CABP5: variants seen among roughly 807,000 people sequenced by gnomAD.
CABP5 encodes the protein calcium-binding protein 5.
CABP5 carries 17 observed loss-of-function variants against 21.9 expected under a neutral mutation model. That is an observed-to-expected ratio of 0.78 (90% CI 0.53 to 1.17). The LOEUF (loss-of-function observed/expected upper bound fraction) is 1.17. Ranked by LOEUF, CABP5 falls within the 50% of genes most tolerant of loss-of-function variation. CABP5 has a pLI of 0.00. For synonymous variants in CABP5, 85 were observed against 79.4 expected, an observed-to-expected ratio of 1.07 and a Z score of -0.37; for missense variants, 229 against 228.9, an observed-to-expected ratio of 1.00 and a Z score of 0.00.
rs899676056 is a variant in CABP5, at chr19:48,044,046, G to T, written c.-124C>A. Reference sequence around the variant, plus strand: ...TTTGCCACCTCTTCCTGCCTCTCTTGGCTTCTCCTTCGGTCCCGGTGTCTT... The same window carrying T: ...TTTGCCACCTCTTCCTGCCTCTCTTTGCTTCTCCTTCGGTCCCGGTGTCTT... On this transcript the variant is annotated 5_prime_UTR_variant, in exon 1 of 6. Coordinates refer to ENST00000293255, the MANE Select transcript of CABP5 (RefSeq NM_019855.5). 2.5e-6 allele frequency: 2 copies of T among 790,924 alleles called. No individual in the cohort carries two copies. The allele number at this position is 790,924 out of a possible 1,614,324, so 49.0% of individuals were successfully genotyped here.
chr19:48,036,722 G>A (rs1582950), intron 4 of CABP5, among the ~76,000 whole-genome samples: 115,704 of 151,716 alleles, frequency 0.76, 45,234 homozygotes, highest in South Asian at 0.88. Flanking sequence ...TCTCTAAAGA[G>A]GACAAATGGG....
In CABP5 at chr19:48,039,223, C is replaced by T. The variant is rs773571363; in HGVS notation, c.333G>A (p.Arg111=). The change falls in exon 4 of 6, where the codon CGG becomes CGA. Residue 111 remains arginine (R), a synonymous_variant. Coordinates refer to ENST00000293255, the MANE Select transcript of CABP5 (RefSeq NM_019855.5). ...TAGMIGVQEM[R]DAFKEFDTNG... ...GTTAACTCACCTCCTTGAAGGCATC[C>T]CGCATCTCCTGGACACCGATCATCC... The T allele has an allele frequency of 1.1e-5, 18 of 1,613,650 alleles. No homozygotes were observed. The highest frequency in any genetic ancestry group is 1.4e-5 in the Non-Finnish European group (16 of 1,179,750).
intron 1 of CABP5, among the ~76,000 whole-genome samples, chr19:48,043,377 C>T (rs917267139): frequency 6.6e-6 from 1 of 150,516 alleles, no homozygotes; most frequent in African/African-American, 2.4e-5. Flanking sequence ...ACTTTCCTCA[C>T]CTGTAAAATG....
intron 3 of CABP5, among the ~76,000 whole-genome samples, chr19:48,040,087 C>T (rs903344439): frequency 1.3e-5 from 2 of 152,074 alleles, no homozygotes; most frequent in African/African-American, 4.8e-5. Flanking sequence ...AAAATCCATC[C>T]ATCCTTTTTG....
intron 5 of CABP5, 31 bp from the exon 6 acceptor site, chr19:48,030,613 G>C (rs1967328711): frequency 1.2e-6 from 2 of 1,608,242 alleles, no homozygotes; most frequent in East Asian, 2.2e-5. Context: ...CCCCAGTAAG[G>C]CATCTCGTTG....
chr19:48,038,778 G>A (rs1210190823), intron 4 of CABP5, among the ~76,000 whole-genome samples: 4 of 151,926 alleles, frequency 2.6e-5, no homozygotes, highest in Non-Finnish European at 5.9e-5. Context: ...AGTGAGCCGA[G>A]ATTGCACCAT....
intron 5 of CABP5, among the ~76,000 whole-genome samples, chr19:48,031,639 G>A (rs964681223): frequency 2.6e-5 from 4 of 152,108 alleles, no homozygotes; most frequent in African/African-American, 4.8e-5. Context: ...GGAAACTTAC[G>A]CCAGCGAGGG....
chr19:48,041,352 TGA>T, intron 2 of CABP5: 1 of 555,578 alleles, frequency 1.8e-6, no homozygotes, highest in South Asian at 2.3e-5. Flanking sequence ...TTTTCACTCC[TGA>T]GTCTTGGAGA....
Position 48,044,055 on chromosome 19 carries a change from T to C in CABP5, c.-133A>G. On this transcript the variant is annotated 5_prime_UTR_variant, in exon 1 of 6. Transcript: ENST00000293255. Reference sequence around the variant, plus strand: ...TCTTCCTGCCTCTCTTGGCTTCTCCTTCGGTCCCGGTGTCTTAGAGCTGTG... The same window carrying C: ...TCTTCCTGCCTCTCTTGGCTTCTCCCTCGGTCCCGGTGTCTTAGAGCTGTG... 1 of 713,992 alleles carries C rather than the reference T, an allele frequency of 1.4e-6. No individual in the cohort carries two copies. Among genetic ancestry groups the C allele is most frequent in the Admixed American group, 4.0e-5 (1 of 24,762 alleles). The allele number at this position is 713,992 out of a possible 1,614,324, so 44.2% of individuals were successfully genotyped here.
rs73943519 is a variant in CABP5 at position 48,043,566 on chromosome 19, T to A, written c.63+294A>T. Among the ~76,000 whole-genome samples, 298 of 136,854 alleles carry A rather than the reference T, an allele frequency of 2.2e-3. 7 individuals carry two copies. The highest frequency in any genetic ancestry group is 7.9e-3 in the African/African-American group (281 of 35,602). 89.8% of individuals were successfully genotyped at this position (136,854 alleles called of 152,430 possible). Reference sequence around the variant, plus strand: ...ATCACCACCATTATCACAATGAGCATCCATAGAAAAGAATGATGGTAATCT... The same window carrying A: ...ATCACCACCATTATCACAATGAGCAACCATAGAAAAGAATGATGGTAATCT... On this transcript the variant is annotated intron_variant, in intron 1 of 5. Transcript: ENST00000293255.
In CABP5 at chr19:48,034,233, C is replaced by G. The variant is rs551792483; in HGVS notation, c.478G>C (p.Gly160Arg). The change falls in exon 5 of 6, where the codon GGC becomes CGC. Residue 160 changes from glycine (G) to arginine (R), a missense_variant. Gly to Arg is a moderately radical substitution (Grantham distance 125, BLOSUM62 -2). Transcript: ENST00000293255. Reference protein sequence around the residue: ...VVREADVNGDGTVDFEEFVKM... With the variant: ...VVREADVNGDRTVDFEEFVKM... ...ATGTCACCTTCAAAGTCAACTGTGC[C>G]GTCTCCATTAACATCAGCCTCCCGG... is the stretch of plus-strand genomic sequence containing the variant. 2.5e-6 allele frequency: 4 copies of G among 1,595,790 alleles called. No individual in the cohort carries two copies. Among genetic ancestry groups the G allele is most frequent in the Non-Finnish European group, 3.4e-6 (4 of 1,171,808 alleles).
chr19:48,030,651 C>A (rs1700525362), intron 5 of CABP5, 69 bp from the exon 6 acceptor site: 2 of 1,516,290 alleles, frequency 1.3e-6, no homozygotes, highest in South Asian at 1.1e-5. Context: ...ATTTTTTGAG[C>A]CCTTCCTATG....
chr19:48,037,530 AG>A (rs2122371205), intron 4 of CABP5, among the ~76,000 whole-genome samples: 1 of 151,906 alleles, frequency 6.6e-6, no homozygotes, highest in East Asian at 1.9e-4. Context: ...AGCCTCCCAA[AG>A]TGCTGGGATT....
At chr19:48,038,990 T>G (rs1201245601) in intron 4 of CABP5, among the ~76,000 whole-genome samples, 2 of 151,920 alleles carry the variant, frequency 1.3e-5, no homozygotes, top group East Asian at 1.9e-4. Context: ...TTGTTTGTTT[T>G]TTTGAGGATT....
chr19:48,043,888 A>G lies in CABP5; in HGVS notation c.35T>C (p.Leu12Ser). Residue 12 changes from leucine (L) to serine (S), a missense_variant, in exon 1 of 6, where the codon TTG becomes TCG. Leu to Ser is a moderately radical substitution (Grantham distance 145). Transcript: ENST00000293255. ...QFPMGPACIF[L>S]RKGIAEKQRE... ...CTGTTTCTCAGCAATGCCTTTCCTC[A>G]AGAAGATGCAGGCGGGGCCCATGGG... The G allele has an allele frequency of 6.7e-7, 1 of 1,496,286 alleles. No homozygotes were observed. Among genetic ancestry groups the G allele is most frequent in the Non-Finnish European group, 8.9e-7 (1 of 1,128,288 alleles). The allele number at this position is 1,496,286 out of a possible 1,614,324, so 92.7% of individuals were successfully genotyped here.
chr19:48,035,755 G>A (rs569753040), intron 4 of CABP5, among the ~76,000 whole-genome samples: 14 of 152,354 alleles, frequency 9.2e-5, no homozygotes, highest in Non-Finnish European at 1.8e-4. Flanking sequence ...TTAGGGAGGC[G>A]TGAGCTGGGG....
Position 48,040,631 on chromosome 19 carries a change from T to C in CABP5, c.212A>G (p.Glu71Gly). The C allele has an allele frequency of 6.2e-7, 1 of 1,613,860 alleles. No homozygotes were observed. The highest frequency in any genetic ancestry group is 1.7e-4 in the Middle Eastern group (1 of 6,058). Residue 71 changes from glutamate (E) to glycine (G), a missense_variant, in exon 3 of 6, where the codon GAG becomes GGG. Glu to Gly is a moderately conservative substitution (Grantham distance 98, BLOSUM62 -2). Transcript: ENST00000293255. ...GYMPTEMELIELGQQIRMNLG... is the reference protein window; with the variant it reads ...GYMPTEMELIGLGQQIRMNLG... The stretch of plus-strand genomic sequence containing the variant: ...GTTCATGCGGATTTGCTGGCCGAGC[T>C]CAATCAGTTCCATCTCCGTGGGCAT...
rs1404400701 is a variant in CABP5 at position 48,029,794 on chromosome 19, C to CAGAGAGAGAGAGAG, written c.*762_*763insCTCTCTCTCTCTCT. On this transcript the variant is annotated 3_prime_UTR_variant, in exon 6 of 6. Coordinates refer to ENST00000293255, the MANE Select transcript of CABP5 (RefSeq NM_019855.5). ...ATGTGGGAGGGGAGACAGAGACAGA[C>CAGAGAGAGAGAGAG]AGACAGAGAGAGAGAGAGAGAGAGA... Among the ~76,000 whole-genome samples the CAGAGAGAGAGAGAG allele has an allele frequency of 4.3e-3, 365 of 85,354 alleles. 4 individuals carry two copies. Among genetic ancestry groups the CAGAGAGAGAGAGAG allele is most frequent in the African/African-American group, 7.7e-3 (192 of 24,934 alleles). The allele number at this position is 85,354 out of a possible 152,430, so 56.0% of individuals were successfully genotyped here. A position where few individuals can be genotyped will look rare whatever the true frequency, so the allele number is the denominator to read the frequency against.
chr19:48,030,667 G>A, intron 5 of CABP5, 85 bp from the exon 6 acceptor site: 1 of 1,299,042 alleles, frequency 7.7e-7, no homozygotes, highest in Non-Finnish European at 1.1e-6. Flanking sequence ...CTATGTGGCA[G>A]GCACTGCTGG....
Sources: gnomAD v4.1 joint callset for allele counts (sites outside exome capture counted in the v4.1 genomes callset) on GRCh38, gnomAD v4.1.1 for gene constraint, MANE v1.5 for transcripts, NCBI Gene and HGNC (gene_info 2026-07-23, HGNC 2026-07-21) for gene names.